TSPAN18: variants seen among roughly 807,000 people sequenced by gnomAD.
TSPAN18 encodes tetraspanin-18.
In TSPAN18, 14 loss-of-function variants were observed where a neutral mutation model predicts 27.3. That is an observed-to-expected ratio of 0.51 (90% CI 0.34 to 0.80). The LOEUF is 0.80. TSPAN18 is among the 30% of genes least tolerant of loss of function. The pLI is 0.01. For missense variants in TSPAN18, 268 were observed against 323.9 expected, an observed-to-expected ratio of 0.83 and a Z score of 1.32; for synonymous variants, 143 against 136.5, an observed-to-expected ratio of 1.05 and a Z score of -0.33.
intron 3 of TSPAN18, chr11:44,903,970 G>A (rs1859362503): frequency 2.3e-6 from 1 of 428,656 alleles, no homozygotes; most frequent in Non-Finnish European, 4.7e-6. Context: ...GACGGAGCTG[G>A]CACATAGTAA....
At chr11:44,782,241 A>G (rs756485660) in intron 2 of TSPAN18, among the ~76,000 whole-genome samples, 3 of 152,150 alleles carry the variant, frequency 2.0e-5, no homozygotes, top group Non-Finnish European at 4.4e-5. Flanking sequence ...GGGTAGGTGT[A>G]TGTATAACTT....
chr11:44,904,675 G>A (rs568213612), intron 3 of TSPAN18, among the ~76,000 whole-genome samples: 12 of 152,302 alleles, frequency 7.9e-5, no homozygotes, highest in African/African-American at 2.9e-4. Flanking sequence ...GCCTGGAGTG[G>A]TGCTGTCATC....
intron 2 of TSPAN18, among the ~76,000 whole-genome samples, chr11:44,788,175 G>A (rs1197522385): frequency 6.6e-6 from 1 of 152,216 alleles, no homozygotes; most frequent in African/African-American, 2.4e-5. Context: ...GACTCAGGGA[G>A]CAGCCCTCAT....
rs835755 is a variant in TSPAN18, at chr11:44,860,488, A to G, written c.-11+19A>G. 0.095 allele frequency: 14,398 copies of G among 152,284 alleles called. 1,968 individuals carry two copies. Among genetic ancestry groups the G allele is most frequent in the East Asian group, 0.6 (3,108 of 5,178 alleles). 9.4% of individuals were successfully genotyped at this position (152,284 alleles called of 1,614,324 possible). A position where few individuals can be genotyped will look rare whatever the true frequency, so the allele number is the denominator to read the frequency against. ...TCTCCAGGTAACAGAGGTTAGGCTC[A>G]TTCAGCAAGGGGATTTCTGCTACTT... On this transcript the variant is annotated intron_variant, in intron 3 of 9. Transcript: ENST00000520358.
chr11:44,861,485 G>C (rs1243637939), intron 3 of TSPAN18, among the ~76,000 whole-genome samples: 4 of 145,076 alleles, frequency 2.8e-5, no homozygotes, highest in Non-Finnish European at 6.1e-5. Context: ...GCGGGGGGTC[G>C]GTGGTTGGGG....
At chr11:44,858,974 C>T (rs892880212) in intron 2 of TSPAN18, among the ~76,000 whole-genome samples, 2 of 152,198 alleles carry the variant, frequency 1.3e-5, no homozygotes, top group Non-Finnish European at 2.9e-5. Context: ...ACCCTCCCCC[C>T]GCTCCCCAGT....
intron 2 of TSPAN18, among the ~76,000 whole-genome samples, chr11:44,768,598 G>A (rs1415204035): frequency 5.3e-5 from 8 of 150,990 alleles, no homozygotes; most frequent in Non-Finnish European, 1.0e-4. Flanking sequence ...TTCTTTTCTT[G>A]TCTTATTGCA....
At chr11:44,857,652 C>T (rs1371227686) in intron 2 of TSPAN18, among the ~76,000 whole-genome samples, 1 of 152,168 alleles carries the variant, frequency 6.6e-6, no homozygotes, top group Non-Finnish European at 1.5e-5. Context: ...TGGCTCACAG[C>T]CCTCAGAGCT....
intron 2 of TSPAN18, among the ~76,000 whole-genome samples, chr11:44,772,082 C>T (rs1036283356): frequency 2.0e-5 from 3 of 152,200 alleles, no homozygotes; most frequent in Non-Finnish European, 4.4e-5. Context: ...TCCTCTTACT[C>T]AGCCTTTTGG....
chr11:44,856,498 C>G (rs1857742557), intron 2 of TSPAN18, among the ~76,000 whole-genome samples: 1 of 152,140 alleles, frequency 6.6e-6, no homozygotes, highest in Admixed American at 6.5e-5. Context: ...GAAGCCTTCC[C>G]TGGGGCCTCT....
At chr11:44,783,193 A>T (rs1288737153) in intron 2 of TSPAN18, among the ~76,000 whole-genome samples, 1 of 152,164 alleles carries the variant, frequency 6.6e-6, no homozygotes, top group African/African-American at 2.4e-5. Context: ...TCTAGAAGAA[A>T]ACACAGGAGA....
rs540310759 is a variant in TSPAN18 at position 44,754,946 on chromosome 11, C to T, written c.-239-9480C>T. On this transcript the variant is annotated intron_variant, in intron 1 of 9. Transcript: ENST00000520358. ...CTCTTTCCTACTCAGTTGACCAGTGCGGCTGTGTCTGTCTATGGCAGGTCC... is the reference window on the plus strand; with the variant it reads ...CTCTTTCCTACTCAGTTGACCAGTGTGGCTGTGTCTGTCTATGGCAGGTCC... 7.2e-5 allele frequency among the ~76,000 whole-genome samples: 11 copies of T among 152,312 alleles called. No homozygotes were observed. The East Asian group carries it at 7.7e-4, about 11-fold the overall frequency.
chr11:44,868,272 T>C (rs910666190), intron 3 of TSPAN18, among the ~76,000 whole-genome samples: 18 of 152,188 alleles, frequency 1.2e-4, no homozygotes, highest in African/African-American at 4.3e-4. Context: ...GCACTATAAT[T>C]CATCTTTGCA....
chr11:44,805,955 A>C (rs888012701), intron 2 of TSPAN18, among the ~76,000 whole-genome samples: 6 of 152,042 alleles, frequency 3.9e-5, no homozygotes, highest in Admixed American at 3.3e-4. Context: ...CAACCTCATT[A>C]ATGACCTCCG....
At chr11:44,917,909 GC>G in intron 5 of TSPAN18, 62 bp from the exon 6 acceptor site, 1 of 1,508,674 alleles carries the variant, frequency 6.6e-7, no homozygotes, top group Middle Eastern at 1.7e-4. Flanking sequence ...GGATGCATTG[GC>G]CAGTGGCCGC....
At chr11:44,905,652 G>A (rs542124606) in intron 3 of TSPAN18, among the ~76,000 whole-genome samples, 12 of 152,330 alleles carry the variant, frequency 7.9e-5, no homozygotes, top group South Asian at 6.2e-4. Flanking sequence ...GTGCAGCCCC[G>A]GCTGTGCCTG....
chr11:44,802,364 T>G (rs1590495560), intron 2 of TSPAN18, among the ~76,000 whole-genome samples: 2 of 144,134 alleles, frequency 1.4e-5, no homozygotes, highest in East Asian at 2.1e-4. Context: ...GGGGTAGTGG[T>G]GGGGGCTGCA....
intron 2 of TSPAN18, among the ~76,000 whole-genome samples, chr11:44,827,033 TTTAGCTCACGAGGGCCCTGAC>T (rs1857057699): frequency 6.6e-6 from 1 of 152,212 alleles, no homozygotes; most frequent in African/African-American, 2.4e-5. Context: ...CCAAGAGCCT[TTTAGCTCACGAGGGCCCTGAC>T]TGGATGTCTG....
rs1175363148 is a variant in TSPAN18 at position 44,922,917 on chromosome 11, C to T, written c.615+2918C>T. On this transcript the variant is annotated intron_variant, in intron 8 of 9. Transcript: ENST00000520358. Reference sequence around the variant, plus strand: ...TGATGTCAGGAGTTCGAGACCAGCCCAGCCAACACGGAGAAACCCCGTCTC... The same window carrying T: ...TGATGTCAGGAGTTCGAGACCAGCCTAGCCAACACGGAGAAACCCCGTCTC... 3.9e-5 allele frequency among the ~76,000 whole-genome samples: 6 copies of T among 152,062 alleles called. No individual in the cohort carries two copies. The East Asian group carries it at 1.2e-3, about 29-fold the overall frequency.
Sources: gnomAD v4.1 joint callset for allele counts (sites outside exome capture counted in the v4.1 genomes callset) on GRCh38, gnomAD v4.1.1 for gene constraint, MANE v1.5 for transcripts, NCBI Gene and HGNC (gene_info 2026-07-23, HGNC 2026-07-21) for gene names.